The following MTHFD2L variants were observed in gnomAD, a reference collection of about 807,000 sequenced individuals.
MTHFD2L encodes bifunctional methylenetetrahydrofolate dehydrogenase/cyclohydrolase 2, mitochondrial.
Under a neutral mutation model 34.9 loss-of-function variants are expected in MTHFD2L, and 29 were observed. The ratio of observed to expected loss-of-function variants is 0.83; its 90% CI spans 0.62 to 1.13. The LOEUF is 1.13. MTHFD2L is among the 50% of genes most tolerant of loss of function. MTHFD2L has a pLI of 0.00. For missense variants in MTHFD2L, 481 were observed against 446.5 expected (o/e 1.08, Z -0.70); for synonymous variants, 167 against 155.7 (o/e 1.07, Z -0.54).
chr4:74,227,825 A>T (rs1246596), intron 6 of MTHFD2L, among the ~76,000 whole-genome samples: 1 of 152,096 alleles, frequency 6.6e-6, no homozygotes, highest in Admixed American at 6.6e-5. Flanking sequence ...GTTGTGTCAA[A>T]AACTGACTTT....
At chr4:74,212,545 TG>T (rs1398623230) in intron 5 of MTHFD2L, among the ~76,000 whole-genome samples, 2 of 152,236 alleles carry the variant, frequency 1.3e-5, no homozygotes, top group Admixed American at 1.3e-4. Context: ...TTGATTGCAC[TG>T]GGGTCTGAGA....
chr4:74,288,976 T>C (rs1314557935), intron 7 of MTHFD2L, among the ~76,000 whole-genome samples: 1 of 152,212 alleles, frequency 6.6e-6, no homozygotes. Flanking sequence ...TATTACTGTT[T>C]TTAGTGTAGC....
At chr4:74,184,402 G>A (rs1730756644) in intron 3 of MTHFD2L, among the ~76,000 whole-genome samples, 1 of 152,130 alleles carries the variant, frequency 6.6e-6, no homozygotes, top group Non-Finnish European at 1.5e-5. Context: ...ATATTTCAGA[G>A]CAGAAAATAT....
At chr4:74,300,736 C>G (rs1011362260) in intron 7 of MTHFD2L, among the ~76,000 whole-genome samples, 3 of 151,980 alleles carry the variant, frequency 2.0e-5, no homozygotes, top group Admixed American at 6.6e-5. Context: ...TTTAAGTATA[C>G]AGATTCTCCA....
rs1478718402 is a variant in MTHFD2L, at chr4:74,174,538, T to C, written c.176T>C (p.Met59Thr). The C allele has an allele frequency of 1.3e-6, 2 of 1,572,642 alleles. No individual in the cohort carries two copies. Among genetic ancestry groups the C allele is most frequent in the Non-Finnish European group, 1.7e-6 (2 of 1,162,492 alleles). ...HEAIIISGTE[M>T]AKHIQKEIQR... The stretch of plus-strand genomic sequence containing the variant: ...GCCATTATTATATCAGGAACCGAAA[T>C]GGCCAAGCATATCCAGAAAGAAATA... Residue 59 changes from methionine (M) to threonine (T), a missense_variant, in exon 2 of 8, where the codon ATG (methionine) becomes ACG (threonine). Coordinates refer to ENST00000325278, the MANE Select transcript of MTHFD2L (RefSeq NM_001144978.3).
chr4:74,188,477 A>G (rs1458448835), intron 3 of MTHFD2L, among the ~76,000 whole-genome samples: 1 of 152,274 alleles, frequency 6.6e-6, no homozygotes, highest in Middle Eastern at 3.4e-3. Context: ...CAGAAGTCCT[A>G]TCTCTAAATA....
chr4:74,263,200 G>A lies in MTHFD2L; in HGVS notation c.806-18225G>A, dbSNP rs1214883844. 2.0e-5 allele frequency among the ~76,000 whole-genome samples: 3 copies of A among 151,842 alleles called. No individual in the cohort carries two copies. The South Asian group carries it at 6.2e-4, about 31-fold the overall frequency. The stretch of plus-strand genomic sequence containing the variant: ...TCCATTGGTCTGTGTGTCTGTTTTT[G>A]TACCAGTACCACGTTGTTTTGGTTA... On this transcript the variant is annotated intron_variant, in intron 6 of 7. Coordinates refer to ENST00000325278, the MANE Select transcript of MTHFD2L (RefSeq NM_001144978.3).
chr4:74,246,057 A>G (rs1241136703), intron 6 of MTHFD2L, among the ~76,000 whole-genome samples: 1 of 143,620 alleles, frequency 7.0e-6, no homozygotes, highest in Non-Finnish European at 1.5e-5. Context: ...CACCACAGTG[A>G]CTTCCACAAT....
chr4:74,204,894 G>T (rs1404647937), intron 5 of MTHFD2L, among the ~76,000 whole-genome samples: 1 of 152,042 alleles, frequency 6.6e-6, no homozygotes, highest in African/African-American at 2.4e-5. Context: ...TCTGGGGAAA[G>T]AATTATAGGA....
intron 3 of MTHFD2L, among the ~76,000 whole-genome samples, chr4:74,188,226 A>G (rs564834475): frequency 1.3e-5 from 2 of 152,316 alleles, no homozygotes; most frequent in South Asian, 4.1e-4. Context: ...AATACCATGG[A>G]ATGAGAGGCT....
chr4:74,269,458 A>G (rs1219231407), intron 6 of MTHFD2L, among the ~76,000 whole-genome samples: 1 of 152,042 alleles, frequency 6.6e-6, no homozygotes, highest in African/African-American at 2.4e-5. Flanking sequence ...AGTTTTGAAA[A>G]CTGCTAAATA....
At chr4:74,119,758 G>A (rs997980572), upstream of MTHFD2L, among the ~76,000 whole-genome samples, 1 of 152,050 alleles carries the variant, frequency 6.6e-6, no homozygotes, top group Admixed American at 6.6e-5. Flanking sequence ...ACTCCAGCCT[G>A]GGTGACAGAG....
At chr4:74,120,507 A>G (rs1296766337), upstream of MTHFD2L, among the ~76,000 whole-genome samples, 1 of 152,202 alleles carries the variant, frequency 6.6e-6, no homozygotes, top group Non-Finnish European at 1.5e-5. Flanking sequence ...GCATGGACGG[A>G]CCGACTGCCA....
chr4:74,153,208 T>C (rs771209026), upstream of MTHFD2L, among the ~76,000 whole-genome samples: 1 of 152,252 alleles, frequency 6.6e-6, no homozygotes, highest in African/African-American at 2.4e-5. Context: ...CCAACTTTGG[T>C]GGCTTTTGAT....
intron 5 of MTHFD2L, among the ~76,000 whole-genome samples, chr4:74,205,671 T>A (rs1041498415): frequency 8.5e-5 from 13 of 152,130 alleles, no homozygotes; most frequent in African/African-American, 3.1e-4. Flanking sequence ...GTGCTGACAC[T>A]CAATACAACA....
At chr4:74,291,003 C>CCTTT (rs1748846516) in intron 7 of MTHFD2L, among the ~76,000 whole-genome samples, 2 of 29,272 alleles carry the variant, frequency 6.8e-5, no homozygotes, top group Non-Finnish European at 1.3e-4. Flanking sequence ...TTTTCCTTTT[C>CCTTT]TTTTTTTTTT....
chr4:74,234,920 G>A (rs576370519), intron 6 of MTHFD2L, among the ~76,000 whole-genome samples: 71 of 152,096 alleles, frequency 4.7e-4, no homozygotes, highest in Non-Finnish European at 7.7e-4. Context: ...ACTCTGAAAA[G>A]TACATGAATG....
chr4:74,166,563 TC>T (rs1203524655), intron 1 of MTHFD2L, among the ~76,000 whole-genome samples: 3 of 152,230 alleles, frequency 2.0e-5, no homozygotes, highest in African/African-American at 7.2e-5. Flanking sequence ...GTGTCCCTAC[TC>T]CCATTTGGTC....
chr4:74,253,399 T>C (rs1743583153), intron 6 of MTHFD2L, among the ~76,000 whole-genome samples: 1 of 151,986 alleles, frequency 6.6e-6, no homozygotes, highest in African/African-American at 2.4e-5. Context: ...AAAATATCTT[T>C]ATAAGAGCTA....
Sources: allele counts gnomAD v4.1 joint callset (sites outside exome capture counted in the v4.1 genomes callset), GRCh38; gene constraint gnomAD v4.1.1; transcripts MANE v1.5; gene names NCBI Gene and HGNC (gene_info 2026-07-23, HGNC 2026-07-21).